The following FKTN variants were observed in gnomAD, a reference collection of about 807,000 sequenced individuals.
FKTN encodes the protein ribitol-5-phosphate transferase FKTN.
In FKTN, 47 loss-of-function variants were observed where a neutral mutation model predicts 58.6. The observed-to-expected ratio is 0.80, with a 90% CI of 0.63 to 1.02. FKTN has a LOEUF of 1.02. Among genes scored for constraint, FKTN ranks in the 50% least tolerant of loss-of-function variants. The probability of loss-of-function intolerance (pLI) is 0.00; values close to 1 mark genes in which losing one functional copy is unlikely to be tolerated. For synonymous variants in FKTN, 178 were observed against 191.9 expected, an observed-to-expected ratio of 0.93 and a Z score of 0.60; for missense variants, 516 against 537.3, an observed-to-expected ratio of 0.96 and a Z score of 0.39.
chr9:105,563,281 CT>C (rs1838647526), intron 1 of FKTN, among the ~76,000 whole-genome samples: 1 of 152,158 alleles, frequency 6.6e-6, no homozygotes, highest in African/African-American at 2.4e-5. Flanking sequence ...GTTCATCTCA[CT>C]GGGGATTATC....
At position 105,562,912 on chromosome 9, in the gene FKTN, C is replaced by A. The variant is rs565608243; in HGVS notation, c.-181+4747C>A. On this transcript the variant is annotated intron_variant, in intron 1 of 10. Transcript: ENST00000357998. ...AGGATATGGCTAGGCTCTCACATAT[C>A]ATCTTATGAACCTAAGTTAGGTGTC... Among the ~76,000 whole-genome samples, 22 of 152,298 alleles carry A rather than the reference C, an allele frequency of 1.4e-4. No individual in the cohort carries two copies. In the South Asian group the frequency reaches 4.3e-3, roughly 30 times the overall value.
chr9:105,566,331 A>G (rs1277533631), intron 1 of FKTN, among the ~76,000 whole-genome samples: 1 of 152,174 alleles, frequency 6.6e-6, no homozygotes, highest in African/African-American at 2.4e-5. Context: ...CAGACACAAA[A>G]AACCCTTCAA....
chr9:105,587,636 C>T (rs1844136157), intron 3 of FKTN, among the ~76,000 whole-genome samples: 1 of 152,196 alleles, frequency 6.6e-6, no homozygotes, highest in Non-Finnish European at 1.5e-5. Flanking sequence ...CCCACTTCTT[C>T]TATCACCCTC....
intron 1 of FKTN, among the ~76,000 whole-genome samples, chr9:105,566,868 C>T (rs929752764): frequency 2.0e-5 from 3 of 152,126 alleles, no homozygotes; most frequent in Non-Finnish European, 4.4e-5. Context: ...ATCAATATCC[C>T]TGATGAACAT....
chr9:105,585,505 T>G (rs1300901263), intron 3 of FKTN, among the ~76,000 whole-genome samples: 1 of 152,246 alleles, frequency 6.6e-6, no homozygotes, highest in Non-Finnish European at 1.5e-5. Flanking sequence ...TACCAACTTT[T>G]AAATTTATTT....
At chr9:105,621,714 C>G (rs1393845495) in intron 10 of FKTN, among the ~76,000 whole-genome samples, 1 of 152,034 alleles carries the variant, frequency 6.6e-6, no homozygotes, top group Non-Finnish European at 1.5e-5. Flanking sequence ...TTCTTTTCCT[C>G]ACATAGCTAT....
chr9:105,593,069 G>C (rs1019120276), intron 3 of FKTN, among the ~76,000 whole-genome samples: 1 of 152,188 alleles, frequency 6.6e-6, no homozygotes, highest in Non-Finnish European at 1.5e-5. Context: ...CTAAGACTGG[G>C]TAATTTATAA....
intron 3 of FKTN, among the ~76,000 whole-genome samples, chr9:105,578,542 C>G (rs1372718494): frequency 6.8e-6 from 1 of 146,614 alleles, no homozygotes; most frequent in Non-Finnish European, 1.5e-5. Flanking sequence ...GGTGGATAAG[C>G]TTTTTGATGT....
At chr9:105,620,741 T>A (rs1831733346) in intron 10 of FKTN, among the ~76,000 whole-genome samples, 1 of 151,650 alleles carries the variant, frequency 6.6e-6, no homozygotes, top group African/African-American at 2.4e-5. Flanking sequence ...TCCTGGGTGC[T>A]AAGTAATTAT....
chr9:105,568,330 G>A (rs990810287), intron 1 of FKTN, among the ~76,000 whole-genome samples: 1 of 152,176 alleles, frequency 6.6e-6, no homozygotes, highest in African/African-American at 2.4e-5. Flanking sequence ...CATAGCAAAA[G>A]AAACTACCAT....
intron 5 of FKTN, among the ~76,000 whole-genome samples, chr9:105,602,026 A>G (rs1827954838): frequency 1.3e-5 from 2 of 152,264 alleles, no homozygotes; most frequent in Admixed American, 6.5e-5. Flanking sequence ...ATTTAGAAGT[A>G]GGATCACAGA....
chr9:105,606,371 A>G (rs1299176791), intron 6 of FKTN, among the ~76,000 whole-genome samples: 2 of 152,024 alleles, frequency 1.3e-5, no homozygotes, highest in African/African-American at 4.8e-5. Flanking sequence ...AGTTATTTGA[A>G]GGAACTCATG....
intron 3 of FKTN, among the ~76,000 whole-genome samples, chr9:105,579,936 C>G (rs1428324543): frequency 3.8e-4 from 58 of 151,730 alleles, no homozygotes; most frequent in African/African-American, 1.2e-3. Flanking sequence ...TTCTTTGTCT[C>G]TTTTGATCTT....
chr9:105,581,909 G>A (rs911784367), intron 3 of FKTN, among the ~76,000 whole-genome samples: 14 of 152,116 alleles, frequency 9.2e-5, no homozygotes, highest in Middle Eastern at 3.2e-3. Flanking sequence ...CGCAATATTC[G>A]GGTGGGAGTG....
chr9:105,638,355 G>T lies in FKTN; in HGVS notation c.*3091G>T, dbSNP rs1020129814. 1.0e-6 allele frequency: 1 copy of T among 985,268 alleles called. No individual in the cohort carries two copies. The highest frequency in any genetic ancestry group is 1.7e-5 in the African/African-American group (1 of 57,218). The allele number at this position is 985,268 out of a possible 1,614,324, so 61.0% of individuals were successfully genotyped here. Reference sequence around the variant, plus strand: ...AGAGGTCAAGGGGAAGTATTTTCTAGTTCAGAATTCAGAATTCTTAGGCAA... The same window carrying T: ...AGAGGTCAAGGGGAAGTATTTTCTATTTCAGAATTCAGAATTCTTAGGCAA... On this transcript the variant is annotated 3_prime_UTR_variant, in exon 11 of 11. Coordinates refer to ENST00000357998, the MANE Select transcript of FKTN (RefSeq NM_001079802.2).
At chr9:105,598,172 T>C in intron 4 of FKTN, 1 of 467,078 alleles carries the variant, frequency 2.1e-6, no homozygotes, top group Non-Finnish European at 4.4e-6. Context: ...GAAGAGCAGC[T>C]TACCACATTC....
intron 10 of FKTN, among the ~76,000 whole-genome samples, chr9:105,625,114 T>C (rs980419353): frequency 1.3e-5 from 2 of 152,062 alleles, no homozygotes; most frequent in African/African-American, 4.8e-5. Flanking sequence ...TAGGTAGCAA[T>C]TAGAAAAAAA....
intron 3 of FKTN, among the ~76,000 whole-genome samples, chr9:105,577,596 G>A (rs1485686508): frequency 6.8e-6 from 1 of 147,720 alleles, no homozygotes; most frequent in Non-Finnish European, 1.5e-5. Flanking sequence ...TTGAAGTCAG[G>A]TAGCGTGATG....
intron 3 of FKTN, among the ~76,000 whole-genome samples, chr9:105,579,370 T>C (rs1342598559): frequency 6.6e-6 from 1 of 152,184 alleles, no homozygotes; most frequent in Non-Finnish European, 1.5e-5. Flanking sequence ...GTCGTGTCTT[T>C]GTTCTCGTTG....
Sources: gnomAD v4.1 joint callset for allele counts (sites outside exome capture counted in the v4.1 genomes callset) on GRCh38, gnomAD v4.1.1 for gene constraint, MANE v1.5 for transcripts, NCBI Gene and HGNC (gene_info 2026-07-23, HGNC 2026-07-21) for gene names.